Variants in GRM8 observed in about 807,000 individuals in gnomAD.
The protein encoded by GRM8 is metabotropic glutamate receptor 8.
A neutral mutation model predicts 87.2 loss-of-function variants in GRM8; 47 were observed. The ratio of observed to expected loss-of-function variants is 0.54; its 90% confidence interval spans 0.43 to 0.69. The LOEUF (loss-of-function observed/expected upper bound fraction) is 0.69. Ranked by LOEUF, GRM8 falls within the 30% of genes least tolerant of loss-of-function variation. GRM8 has a pLI of 0.00. For synonymous variants in GRM8, 396 were observed against 404.5 expected (o/e 0.98, Z 0.25); for missense variants, 1,019 against 1,139.2 (o/e 0.89, Z 1.52).
At chr7:126,713,016 A>G (rs1340430169) in intron 7 of GRM8, among the ~76,000 whole-genome samples, 1 of 152,202 alleles carries the variant, frequency 6.6e-6, no homozygotes, top group Non-Finnish European at 1.5e-5. Flanking sequence ...AATTAATTCA[A>G]CTATTGTGGA....
chr7:126,958,486 G>T (rs549139840), intron 3 of GRM8, among the ~76,000 whole-genome samples: 29 of 152,302 alleles, frequency 1.9e-4, no homozygotes, highest in African/African-American at 6.0e-4. Context: ...CAGAGCTGGC[G>T]CCTGGAGCTG....
chr7:126,510,308 AAT>A (rs1491040817), intron 9 of GRM8, among the ~76,000 whole-genome samples: 2 of 151,882 alleles, frequency 1.3e-5, no homozygotes, highest in Non-Finnish European at 2.9e-5. Context: ...AAAAAAAAAA[AAT>A]GAACTCAATA....
intron 9 of GRM8, among the ~76,000 whole-genome samples, chr7:126,504,906 A>G (rs1810211140): frequency 6.6e-6 from 1 of 152,058 alleles, no homozygotes; most frequent in African/African-American, 2.4e-5. Flanking sequence ...AATTTTTATT[A>G]CTAACTATAA....
chr7:126,740,478 T>C (rs1397908705), intron 7 of GRM8, among the ~76,000 whole-genome samples: 1 of 152,152 alleles, frequency 6.6e-6, no homozygotes, highest in Non-Finnish European at 1.5e-5. Context: ...TGGTACTTTA[T>C]GCATAATTTA....
chr7:126,954,619 T>A (rs924557655), intron 3 of GRM8, among the ~76,000 whole-genome samples: 1 of 152,210 alleles, frequency 6.6e-6, no homozygotes, highest in Middle Eastern at 3.2e-3. Context: ...TATAGATTCA[T>A]TACTTTCTAA....
intron 3 of GRM8, among the ~76,000 whole-genome samples, chr7:127,009,010 G>C (rs1019085912): frequency 6.6e-6 from 1 of 151,272 alleles, no homozygotes; most frequent in African/African-American, 2.4e-5. Context: ...TCTTCTTTTA[G>C]TTTGCCAGGC....
At chr7:126,945,516 C>T (rs531061414) in intron 3 of GRM8, among the ~76,000 whole-genome samples, 15 of 152,216 alleles carry the variant, frequency 9.9e-5, no homozygotes, top group Non-Finnish European at 1.8e-4. Context: ...AAAACACAGT[C>T]GAAACTTTGT....
intron 7 of GRM8, among the ~76,000 whole-genome samples, chr7:126,623,023 G>C (rs1402469104): frequency 6.6e-6 from 1 of 152,132 alleles, no homozygotes; most frequent in East Asian, 1.9e-4. Flanking sequence ...TCTTCAGACA[G>C]TCATCTCCGC....
chr7:127,089,513 T>C (rs964471186), intron 3 of GRM8, among the ~76,000 whole-genome samples: 1 of 152,174 alleles, frequency 6.6e-6, no homozygotes, highest in African/African-American at 2.4e-5. Flanking sequence ...TCCCACCACA[T>C]GGGCAAAACC....
chr7:126,956,344 G>T (rs1165709723), intron 3 of GRM8, among the ~76,000 whole-genome samples: 3 of 152,096 alleles, frequency 2.0e-5, no homozygotes, highest in Non-Finnish European at 4.4e-5. Context: ...ATTTCTCTGA[G>T]CCTCAGTTTC....
chr7:126,550,925 G>GA (rs971565030), intron 8 of GRM8, among the ~76,000 whole-genome samples: 2 of 149,146 alleles, frequency 1.3e-5, no homozygotes, highest in Non-Finnish European at 3.0e-5. Flanking sequence ...AATTGAGGGA[G>GA]AAAAAAAAGA....
rs1277779807 is a variant in GRM8 at position 127,132,018 on chromosome 7, T to C, written c.511-25306A>G. Among the ~76,000 whole-genome samples, 4 of 152,174 alleles carry C rather than the reference T, an allele frequency of 2.6e-5. No homozygotes were observed. In the East Asian group the frequency reaches 7.7e-4, roughly 29 times the overall value. On this transcript the variant is annotated intron_variant, in intron 2 of 10. Transcript: ENST00000339582. Reference sequence around the variant, plus strand: ...ATGTCATTTATTTTGAATTCGGCAGTCTTAAGGAAAAAAATAATAAATAGG... The same window carrying C: ...ATGTCATTTATTTTGAATTCGGCAGCCTTAAGGAAAAAAATAATAAATAGG...
At chr7:126,772,910 G>C (rs567180291) in intron 6 of GRM8, among the ~76,000 whole-genome samples, 96 of 152,200 alleles carry the variant, frequency 6.3e-4, no homozygotes, top group African/African-American at 2.2e-3. Context: ...AAGTTAAAAT[G>C]TCAGAGGGCT....
intron 2 of GRM8, among the ~76,000 whole-genome samples, chr7:127,181,690 C>T (rs1029723427): frequency 7.2e-5 from 11 of 151,946 alleles, no homozygotes; most frequent in Admixed American, 3.3e-4. Flanking sequence ...GAAAGAAACC[C>T]AAATACTTAC....
At chr7:126,867,661 A>G (rs1798719588) in intron 6 of GRM8, among the ~76,000 whole-genome samples, 1 of 152,194 alleles carries the variant, frequency 6.6e-6, no homozygotes, top group Non-Finnish European at 1.5e-5. Flanking sequence ...ACAAAAAATA[A>G]CAATAATGCC....
chr7:127,238,731 T>C (rs1276698887), intron 2 of GRM8, among the ~76,000 whole-genome samples: 1 of 152,236 alleles, frequency 6.6e-6, no homozygotes, highest in African/African-American at 2.4e-5. Flanking sequence ...GGCCCATTTT[T>C]TTCATTTGCT....
intron 3 of GRM8, among the ~76,000 whole-genome samples, chr7:126,998,942 C>T (rs1228412253): frequency 6.6e-6 from 1 of 151,636 alleles, no homozygotes; most frequent in African/African-American, 2.4e-5. Context: ...AAGACCCCAA[C>T]TAGCCAAAGA....
intron 3 of GRM8, among the ~76,000 whole-genome samples, chr7:126,978,257 T>C (rs1811203548): frequency 1.3e-5 from 2 of 152,028 alleles, no homozygotes; most frequent in Admixed American, 6.6e-5. Context: ...AGAGAATCTG[T>C]ATAAAAGGAA....
chr7:126,905,077 G>A (rs1317708359), intron 3 of GRM8, among the ~76,000 whole-genome samples: 3 of 152,192 alleles, frequency 2.0e-5, no homozygotes, highest in Non-Finnish European at 1.5e-5. Context: ...CCCTTATTAA[G>A]TAGCAAAGTC....
Sources: gnomAD v4.1 joint callset for allele counts (sites outside exome capture counted in the v4.1 genomes callset) on GRCh38, gnomAD v4.1.1 for gene constraint, MANE v1.5 for transcripts, NCBI Gene and HGNC (gene_info 2026-07-23, HGNC 2026-07-21) for gene names.